The following PARN variants were observed in gnomAD, a reference collection of about 807,000 sequenced individuals.
The protein encoded by PARN is poly(A)-specific ribonuclease PARN.
In PARN, 71 loss-of-function variants were observed where a neutral mutation model predicts 102.8. That is an observed-to-expected ratio of 0.69 (90% CI 0.57 to 0.84). The LOEUF (loss-of-function observed/expected upper bound fraction) is 0.84. Among genes scored for constraint, PARN ranks in the 40% least tolerant of loss-of-function variants. PARN has a pLI of 0.00. For missense variants in PARN, 782 were observed against 760.9 expected (o/e 1.03, Z -0.33); for synonymous variants, 261 against 252.9 (o/e 1.03, Z -0.30).
intron 22 of PARN, among the ~76,000 whole-genome samples, chr16:14,472,558 G>C (rs530321105): frequency 6.6e-6 from 1 of 152,326 alleles, no homozygotes; most frequent in East Asian, 1.9e-4. Context: ...AAAGAGGAGG[G>C]AAAGGTGGTG....
intron 18 of PARN, among the ~76,000 whole-genome samples, chr16:14,575,302 CACAG>C (rs1969056697): frequency 6.6e-6 from 1 of 150,390 alleles, no homozygotes; most frequent in Admixed American, 6.6e-5. Flanking sequence ...CTGGAAAAGC[CACAG>C]ACACTCAATG....
chr16:14,529,537 A>C (rs1247106281), intron 21 of PARN, among the ~76,000 whole-genome samples: 2 of 152,142 alleles, frequency 1.3e-5, no homozygotes, highest in African/African-American at 4.8e-5. Context: ...CTCAGCCCTG[A>C]CATTGAAGCC....
At chr16:14,531,877 A>G (rs1423976607) in intron 21 of PARN, among the ~76,000 whole-genome samples, 1 of 151,066 alleles carries the variant, frequency 6.6e-6, no homozygotes, top group African/African-American at 2.4e-5. Flanking sequence ...AACCTGGCCA[A>G]GATAGCAAGA....
At chr16:14,584,541 A>T in intron 15 of PARN, 119 bp from the exon 16 acceptor site, 1 of 857,742 alleles carries the variant, frequency 1.2e-6, no homozygotes, top group South Asian at 1.6e-5. Flanking sequence ...TGTGTTCTTT[A>T]AAGAAACACA....
At chr16:14,526,419 C>A (rs1381705026) in intron 21 of PARN, among the ~76,000 whole-genome samples, 1 of 151,964 alleles carries the variant, frequency 6.6e-6, no homozygotes, top group Non-Finnish European at 1.5e-5. Flanking sequence ...CCTCGTGATC[C>A]ACCCACCTCA....
rs529898132 is a variant in PARN, at chr16:14,624,731, C to T, written c.327+2375G>A. ...GTCAGGAGTTTGAGACCAGCCCGAC[C>T]GACATGGAGAAACCCCATCTCTACT... On this transcript the variant is annotated intron_variant, in intron 5 of 23. Transcript: ENST00000437198. 3.3e-5 allele frequency among the ~76,000 whole-genome samples: 5 copies of T among 152,112 alleles called. No individual in the cohort carries two copies. In the East Asian group the frequency reaches 5.8e-4, roughly 18 times the overall value.
At chr16:14,523,787 C>A (rs1170515861) in intron 21 of PARN, among the ~76,000 whole-genome samples, 1 of 152,102 alleles carries the variant, frequency 6.6e-6, no homozygotes, top group Non-Finnish European at 1.5e-5. Flanking sequence ...ATTCAGAGGA[C>A]AGGGAGGTCC....
intron 7 of PARN, 112 bp downstream of exon 7, chr16:14,610,532 C>G: frequency 1.7e-6 from 1 of 594,480 alleles, no homozygotes; most frequent in Non-Finnish European, 3.0e-6. Context: ...CCATTCACAA[C>G]ATCACACCCG....
intron 5 of PARN, among the ~76,000 whole-genome samples, chr16:14,626,246 C>T (rs879494817): frequency 6.6e-6 from 1 of 152,204 alleles, no homozygotes; most frequent in Non-Finnish European, 1.5e-5. Flanking sequence ...AAGGTCTACA[C>T]CCTCAGAGTG....
chr16:14,566,119 A>G (rs1294887822), intron 18 of PARN, among the ~76,000 whole-genome samples: 2 of 152,176 alleles, frequency 1.3e-5, no homozygotes, highest in Non-Finnish European at 2.9e-5. Context: ...GTGGCCTCCA[A>G]AAAGATATGT....
chr16:14,584,511 A>G, intron 15 of PARN, 89 bp from the exon 16 acceptor site: 2 of 1,056,136 alleles, frequency 1.9e-6, no homozygotes, highest in Non-Finnish European at 2.9e-6. Context: ...AAAAAAAGAC[A>G]GCATCTAGTA....
chr16:14,494,820 A>T (rs1227021560), intron 21 of PARN, among the ~76,000 whole-genome samples: 1 of 152,088 alleles, frequency 6.6e-6, no homozygotes, highest in Non-Finnish European at 1.5e-5. Flanking sequence ...GACACAGAGA[A>T]ACTACACAGT....
intron 6 of PARN, among the ~76,000 whole-genome samples, chr16:14,614,348 G>A (rs1458173681): frequency 6.6e-6 from 1 of 152,164 alleles, no homozygotes; most frequent in Non-Finnish European, 1.5e-5. Flanking sequence ...ACTAAAGAGA[G>A]ATAGAAAGAT....
At chr16:14,606,301 T>C (rs557308860) in intron 10 of PARN, among the ~76,000 whole-genome samples, 183 bp downstream of exon 10, 2 of 151,188 alleles carry the variant, frequency 1.3e-5, no homozygotes, top group African/African-American at 4.9e-5. Context: ...GGGAGGCTGA[T>C]GTAGGAGGAT....
intron 22 of PARN, among the ~76,000 whole-genome samples, chr16:14,449,302 G>T (rs1422053025): frequency 6.6e-6 from 1 of 152,006 alleles, no homozygotes; most frequent in African/African-American, 2.4e-5. Context: ...TAATGGTGTT[G>T]GGACAAGCAG....
chr16:14,597,801 C>G (rs929444125), intron 12 of PARN, among the ~76,000 whole-genome samples: 4 of 152,136 alleles, frequency 2.6e-5, no homozygotes, highest in Non-Finnish European at 5.9e-5. Flanking sequence ...GAGACAAATT[C>G]CAACTGGCGG....
At chr16:14,486,299 C>T (rs1382070622) in intron 21 of PARN, among the ~76,000 whole-genome samples, 3 of 152,114 alleles carry the variant, frequency 2.0e-5, no homozygotes, top group Non-Finnish European at 4.4e-5. Context: ...CCCAGGAAGT[C>T]AAGTCTGCAG....
intron 21 of PARN, 62 bp from the exon 22 acceptor site, chr16:14,482,889 C>G: frequency 7.1e-7 from 1 of 1,418,020 alleles, no homozygotes; most frequent in Non-Finnish European, 9.5e-7. Context: ...CCAAAGATGA[C>G]ACTTTTGAAA....
At chr16:14,532,982 T>C (rs145259179) in intron 21 of PARN, among the ~76,000 whole-genome samples, 32,954 of 151,668 alleles carry the variant, frequency 0.22, 3,930 homozygotes, top group Middle Eastern at 0.3. Context: ...GGCAGAGACG[T>C]TCCTCACTTC....
Sources: gnomAD v4.1 joint callset for allele counts (sites outside exome capture counted in the v4.1 genomes callset) on GRCh38, gnomAD v4.1.1 for gene constraint, MANE v1.5 for transcripts, NCBI Gene and HGNC (gene_info 2026-07-23, HGNC 2026-07-21) for gene names.